Variants in ANKRD44 observed in about 807,000 individuals in gnomAD.
ANKRD44 encodes serine/threonine-protein phosphatase 6 regulatory ankyrin repeat subunit B.
A neutral mutation model predicts 116.0 loss-of-function variants in ANKRD44; 35 were observed. The observed-to-expected ratio is 0.30, with a 90% CI of 0.23 to 0.40. The LOEUF (loss-of-function observed/expected upper bound fraction) is 0.40. Among genes scored for constraint, ANKRD44 ranks in the 10% least tolerant of loss-of-function variants. ANKRD44 has a pLI of 1.00. For synonymous variants in ANKRD44, 435 were observed against 461.8 expected, an observed-to-expected ratio of 0.94 and a Z score of 0.74; for missense variants, 1,014 against 1,242.6, an observed-to-expected ratio of 0.82 and a Z score of 2.77.
chr2:197,293,507 C>T (rs1002104105), intron 1 of ANKRD44, among the ~76,000 whole-genome samples: 4 of 152,224 alleles, frequency 2.6e-5, no homozygotes, highest in Non-Finnish European at 5.9e-5. Context: ...CATTTACACA[C>T]ATCTAAAGAT....
chr2:197,260,320 G>A (rs1321547520), intron 1 of ANKRD44, among the ~76,000 whole-genome samples: 1 of 152,120 alleles, frequency 6.6e-6, no homozygotes, highest in Non-Finnish European at 1.5e-5. Context: ...ACCTATGAGT[G>A]AGAACATGTG....
intron 1 of ANKRD44, among the ~76,000 whole-genome samples, chr2:197,222,644 A>G (rs1195772894): frequency 2.0e-5 from 3 of 152,144 alleles, no homozygotes; most frequent in Non-Finnish European, 2.9e-5. Flanking sequence ...GGCTGTGCTC[A>G]TTCTGTTGGA....
At chr2:197,276,494 C>G (rs370045603) in intron 1 of ANKRD44, among the ~76,000 whole-genome samples, 7 of 151,874 alleles carry the variant, frequency 4.6e-5, no homozygotes, top group Non-Finnish European at 1.0e-4. Flanking sequence ...TATAAGAGTA[C>G]TAATATATAA....
chr2:197,254,763 CACAT>C lies in ANKRD44; in HGVS notation c.27+55811_27+55814del, dbSNP rs1400472328. Among the ~76,000 whole-genome samples, 40 of 143,554 alleles carry C rather than the reference CACAT, an allele frequency of 2.8e-4. No homozygotes were observed. In the South Asian group the frequency reaches 8.5e-3, roughly 31 times the overall value. 94.2% of individuals were successfully genotyped at this position (143,554 alleles called of 152,430 possible). A position where few individuals can be genotyped will look rare whatever the true frequency, so the allele number is the denominator to read the frequency against. On this transcript the variant is annotated intron_variant, in intron 1 of 27. Transcript: ENST00000282272. ...AGACACACATACATACACACACACA[CACAT>C]ATATATATATTTGCTTTAACATCAA...
chr2:197,234,879 G>A (rs1277505856), intron 1 of ANKRD44, among the ~76,000 whole-genome samples: 1 of 152,148 alleles, frequency 6.6e-6, no homozygotes, highest in Non-Finnish European at 1.5e-5. Flanking sequence ...TTCCCCACTA[G>A]TGATAAGCAT....
intron 10 of ANKRD44, among the ~76,000 whole-genome samples, chr2:197,097,537 G>A (rs2078189478): frequency 6.6e-6 from 1 of 152,038 alleles, no homozygotes; most frequent in Non-Finnish European, 1.5e-5. Flanking sequence ...AGTTCTTTTG[G>A]CTCACAGCAG....
At chr2:196,969,238 A>G (rs1005796759) in intron 21 of ANKRD44, among the ~76,000 whole-genome samples, 9 of 152,208 alleles carry the variant, frequency 5.9e-5, no homozygotes, top group African/African-American at 1.7e-4. Context: ...AGAATATGAA[A>G]GGAGTCTCAA....
chr2:197,287,668 C>T (rs1290027551), intron 1 of ANKRD44, among the ~76,000 whole-genome samples: 3 of 152,206 alleles, frequency 2.0e-5, no homozygotes, highest in Admixed American at 6.5e-5. Context: ...AGATATAATA[C>T]CTATTTTCTA....
intron 2 of ANKRD44, among the ~76,000 whole-genome samples, chr2:197,185,160 C>G (rs1275523093): frequency 2.0e-5 from 3 of 152,234 alleles, no homozygotes; most frequent in Non-Finnish European, 2.9e-5. Context: ...GGCCTTGGCT[C>G]AGAAGCACAG....
At chr2:196,977,242 T>C (rs1284067449) in intron 21 of ANKRD44, among the ~76,000 whole-genome samples, 2 of 152,196 alleles carry the variant, frequency 1.3e-5, no homozygotes, top group African/African-American at 2.4e-5. Context: ...TGGCAATACT[T>C]CCCAAATTGA....
chr2:196,984,299 C>T (rs1394869338), downstream of ANKRD44, among the ~76,000 whole-genome samples: 1 of 152,098 alleles, frequency 6.6e-6, no homozygotes, highest in East Asian at 1.9e-4. Flanking sequence ...CCTGCCCACC[C>T]CCCAGCCATT....
Position 197,123,289 on chromosome 2 carries a change from C to T in ANKRD44, c.551-497G>A, listed in dbSNP as rs558806421. On this transcript the variant is annotated intron_variant, in intron 6 of 27. Transcript: ENST00000282272. ...ACTGCTGCTCAACTGTATTTGGACCCACAAAAATGGCAATTACATATGCCT... is the reference window on the plus strand; with the variant it reads ...ACTGCTGCTCAACTGTATTTGGACCTACAAAAATGGCAATTACATATGCCT... Among the ~76,000 whole-genome samples the T allele has an allele frequency of 4.6e-5, 7 of 152,276 alleles. No individual in the cohort carries two copies. The South Asian group carries it at 1.5e-3, about 32-fold the overall frequency.
At position 197,136,569 on chromosome 2, in the gene ANKRD44, G is replaced by T. The variant is rs2579388; in HGVS notation, c.261+23C>A. The T allele has an allele frequency of 3.9e-4, 626 of 1,606,382 alleles. 3 individuals carry two copies. The African/African-American group carries it at 7.1e-3, about 18-fold the overall frequency. ...CTTTTTCTAGGCACAGTAGGTATTA[G>T]ATTAAATATGGTAATCACTCACTTC... On this transcript the variant is annotated intron_variant, in intron 4 of 27. Transcript: ENST00000282272.
chr2:197,027,677 AG>A (rs2076623197), intron 16 of ANKRD44, among the ~76,000 whole-genome samples: 1 of 118,844 alleles, frequency 8.4e-6, no homozygotes, highest in Admixed American at 1.1e-4. Context: ...ATAATGCCTG[AG>A]AATTTTTTTT....
At chr2:197,011,221 A>G (rs1010562244) in intron 18 of ANKRD44, among the ~76,000 whole-genome samples, 1 of 152,242 alleles carries the variant, frequency 6.6e-6, no homozygotes, top group Non-Finnish European at 1.5e-5. Flanking sequence ...TGGCAGGTTC[A>G]TGAACATGGA....
At chr2:197,239,662 C>T (rs952657743) in intron 1 of ANKRD44, among the ~76,000 whole-genome samples, 3 of 152,232 alleles carry the variant, frequency 2.0e-5, no homozygotes, top group African/African-American at 7.2e-5. Flanking sequence ...AGTTCTGCAA[C>T]GTGTCTTGGT....
At position 197,199,654 on chromosome 2, in the gene ANKRD44, G is replaced by A. The variant is rs914809502; in HGVS notation, c.28-12548C>T. On this transcript the variant is annotated intron_variant, in intron 1 of 27. Transcript: ENST00000282272. ...GGGGTCTTGCTATATTGTCCAGGGT[G>A]GTCTCAAATTCTTGGGTTCAAGCGA... is the stretch of plus-strand genomic sequence containing the variant. Among the ~76,000 whole-genome samples the A allele has an allele frequency of 5.9e-5, 9 of 151,938 alleles. No homozygotes were observed. In the East Asian group the frequency reaches 1.7e-3, roughly 29 times the overall value.
chr2:197,112,780 T>G (rs2078619838), intron 8 of ANKRD44, among the ~76,000 whole-genome samples: 1 of 152,018 alleles, frequency 6.6e-6, no homozygotes, highest in Admixed American at 6.5e-5. Flanking sequence ...TTCTGTACCT[T>G]AACCCTGAAC....
At chr2:197,301,878 C>G (rs1316257441) in intron 1 of ANKRD44, among the ~76,000 whole-genome samples, 1 of 151,996 alleles carries the variant, frequency 6.6e-6, no homozygotes, top group Non-Finnish European at 1.5e-5. Context: ...TGGGGGGAGT[C>G]AAATATATGG....
Sources: allele counts gnomAD v4.1 joint callset (sites outside exome capture counted in the v4.1 genomes callset), GRCh38; gene constraint gnomAD v4.1.1; transcripts MANE v1.5; gene names NCBI Gene and HGNC (gene_info 2026-07-23, HGNC 2026-07-21).